Variants in DUSP14 observed in about 807,000 individuals in gnomAD.
The protein encoded by DUSP14 is dual specificity phosphatase 14.
DUSP14 carries 5 observed loss-of-function variants against 13.2 expected under a neutral mutation model. That is an observed-to-expected ratio of 0.38 (90% confidence interval 0.20 to 0.80). The LOEUF (loss-of-function observed/expected upper bound fraction) is 0.80. Among genes scored for constraint, DUSP14 ranks in the 30% least tolerant of loss-of-function variants. DUSP14 has a pLI of 0.44. For missense variants in DUSP14, 185 were observed against 264.0 expected, an observed-to-expected ratio of 0.70 and a Z score of 2.07; for synonymous variants, 91 against 103.4, an observed-to-expected ratio of 0.88 and a Z score of 0.73.
At chr17:37,491,828 A>G (rs2054030515) in intron 1 of DUSP14, among the ~76,000 whole-genome samples, 1 of 152,248 alleles carries the variant, frequency 6.6e-6, no homozygotes, top group Non-Finnish European at 1.5e-5. Context: ...TTTTCCCAAA[A>G]TCACAAGAAA....
chr17:37,489,141 TAA>T (rs2054007812), upstream of DUSP14, among the ~76,000 whole-genome samples: 1 of 152,160 alleles, frequency 6.6e-6, no homozygotes, highest in African/African-American at 2.4e-5. Flanking sequence ...ACCTGAATTT[TAA>T]AAGACCCTCA....
intron 1 of DUSP14, among the ~76,000 whole-genome samples, chr17:37,501,672 C>T (rs998779223): frequency 6.6e-6 from 1 of 152,090 alleles, no homozygotes; most frequent in African/African-American, 2.4e-5. Flanking sequence ...CCCACCACCA[C>T]GCCTGGCTAA....
chr17:37,512,392 T>C lies in DUSP14; in HGVS notation c.120T>C (p.Ser40=), dbSNP rs1320463443. 1.9e-6 allele frequency: 3 copies of C among 1,614,168 alleles called. No individual in the cohort carries two copies. The highest frequency in any genetic ancestry group is 2.5e-6 in the Non-Finnish European group (3 of 1,180,030). Residue 40 remains serine, a synonymous_variant, in exon 3 of 3, where the codon AGT becomes AGC. Coordinates refer to ENST00000617516, the MANE Select transcript of DUSP14 (RefSeq NM_007026.4). The surrounding 1 kb of genome is among the most constrained non-coding windows in gnomAD (Gnocchi z 4.8). ...CCTCTCTATTCCTGGGCAGAGGCAG[T>C]GTGGCCTCCAATCGGCACCTCCTCC... ...ITSSLFLGRG[S]VASNRHLLQA...
chr17:37,501,688 G>C (rs769489879), intron 1 of DUSP14, among the ~76,000 whole-genome samples: 1 of 152,004 alleles, frequency 6.6e-6, no homozygotes, highest in Non-Finnish European at 1.5e-5. Context: ...GCTAATTTTC[G>C]TATTTTTTAG....
At chr17:37,495,745 C>T (rs531726940) in intron 1 of DUSP14, among the ~76,000 whole-genome samples, 29 of 152,078 alleles carry the variant, frequency 1.9e-4, no homozygotes, top group African/African-American at 6.3e-4. Flanking sequence ...CTGCAACCTC[C>T]GCTTCCCAGG....
In DUSP14 at chr17:37,509,133, ACACAC is replaced by A. The variant is rs2054159370; in HGVS notation, c.-180-1543_-180-1539del. 5.7e-5 allele frequency among the ~76,000 whole-genome samples: 2 copies of A among 35,314 alleles called. 1 individual carries two copies. The highest frequency in any genetic ancestry group is 9.8e-5 in the Non-Finnish European group (2 of 20,360). 23.2% of individuals were successfully genotyped at this position (35,314 alleles called of 152,430 possible). A position where few individuals can be genotyped will look rare whatever the true frequency, so the allele number is the denominator to read the frequency against. On this transcript the variant is annotated intron_variant, in intron 1 of 2. Coordinates refer to ENST00000617516, the MANE Select transcript of DUSP14 (RefSeq NM_007026.4). ...TATATATATATATATATATATACAC[ACACAC>A]ACACACACACACACACACACACACA...
intron 1 of DUSP14, among the ~76,000 whole-genome samples, chr17:37,507,098 A>T (rs113901250): frequency 0.029 from 4,420 of 152,176 alleles, 94 homozygotes; most frequent in Non-Finnish European, 0.043. Context: ...TCAAGTTGAA[A>T]TCTCTCACCC....
At chr17:37,509,272 TA>T (rs2054164895) in intron 1 of DUSP14, among the ~76,000 whole-genome samples, 6 of 29,014 alleles carry the variant, frequency 2.1e-4, no homozygotes, top group East Asian at 2.2e-3. Flanking sequence ...TATATATATA[TA>T]TATATATATA....
At position 37,509,126 on chromosome 17, in the gene DUSP14, T is replaced by TAC. The variant is rs1408643360; in HGVS notation, c.-180-1550_-180-1549insCA. On this transcript the variant is annotated intron_variant, in intron 1 of 2. Transcript: ENST00000617516. ...ACCCATATATATATATATATATATA[T>TAC]ATACACACACACACACACACACACA... Among the ~76,000 whole-genome samples the TAC allele has an allele frequency of 1.6e-3, 72 of 44,510 alleles. 1 individual carries two copies. Among genetic ancestry groups the TAC allele is most frequent in the Middle Eastern group, 0.011 (1 of 88 alleles). The allele number at this position is 44,510 out of a possible 152,430, so 29.2% of individuals were successfully genotyped here. A position where few individuals can be genotyped will look rare whatever the true frequency, so the allele number is the denominator to read the frequency against.
At chr17:37,489,705 C>A (rs1194942248), upstream of DUSP14, 1 of 151,638 alleles carries the variant, frequency 6.6e-6, no homozygotes, top group Admixed American at 6.6e-5. Flanking sequence ...TAGGGCGCGC[C>A]CGGACCACAC....
intron 1 of DUSP14, among the ~76,000 whole-genome samples, chr17:37,508,475 T>C (rs1474223431): frequency 6.6e-6 from 1 of 152,146 alleles, no homozygotes; most frequent in Non-Finnish European, 1.5e-5. Flanking sequence ...GGCTCATGCC[T>C]GTAATCCCAG....
At chr17:37,508,023 C>T (rs1301549861) in intron 1 of DUSP14, among the ~76,000 whole-genome samples, 10 of 152,236 alleles carry the variant, frequency 6.6e-5, no homozygotes, top group African/African-American at 1.2e-4. Flanking sequence ...TATGTGACTG[C>T]GTCCTTGTTC....
intron 1 of DUSP14, among the ~76,000 whole-genome samples, chr17:37,502,188 T>A (rs561908435): frequency 2.6e-5 from 4 of 152,036 alleles, no homozygotes; most frequent in East Asian, 1.9e-4. Context: ...TACAAGTCCC[T>A]GTTTTTTTTT....
At chr17:37,510,927 C>T (rs996163093) in intron 2 of DUSP14, among the ~76,000 whole-genome samples, 163 bp downstream of exon 2, 2 of 151,402 alleles carry the variant, frequency 1.3e-5, no homozygotes, top group East Asian at 3.9e-4. Context: ...GTGAGAGGAA[C>T]GGATGTATCT....
chr17:37,501,045 C>T (rs142101907), intron 1 of DUSP14, among the ~76,000 whole-genome samples: 41 of 152,176 alleles, frequency 2.7e-4, no homozygotes, highest in Admixed American at 5.9e-4. Context: ...CATGGAAGGA[C>T]GGTTCTGGTC....
intron 1 of DUSP14, among the ~76,000 whole-genome samples, chr17:37,498,960 A>G (rs1156389340): frequency 6.6e-6 from 1 of 152,160 alleles, no homozygotes; most frequent in Non-Finnish European, 1.5e-5. Flanking sequence ...GAATGCGTCT[A>G]CTATGCTGTG....
chr17:37,504,455 T>C (rs1199305267), intron 1 of DUSP14, among the ~76,000 whole-genome samples: 1 of 152,216 alleles, frequency 6.6e-6, no homozygotes, highest in African/African-American at 2.4e-5. Flanking sequence ...TATCCTATGA[T>C]ATCAGTTAAT....
chr17:37,495,922 T>C (rs2054062223), intron 1 of DUSP14, among the ~76,000 whole-genome samples: 1 of 152,072 alleles, frequency 6.6e-6, no homozygotes, highest in Non-Finnish European at 1.5e-5. Context: ...ACCCCCAAAG[T>C]GCTGGGATTA....
intron 1 of DUSP14, 27 bp downstream of exon 1, chr17:37,489,985 G>C (rs1289422339): frequency 6.9e-6 from 1 of 144,110 alleles, no homozygotes; most frequent in Non-Finnish European, 1.5e-5. Flanking sequence ...CCCGGGGGTG[G>C]GGGTTGTGGG....
Sources: gnomAD v4.1 joint callset for allele counts (sites outside exome capture counted in the v4.1 genomes callset) on GRCh38, gnomAD v4.1.1 for gene constraint, Gnocchi (gnomAD v3.1) non-coding constraint, MANE v1.5 for transcripts, NCBI Gene and HGNC (gene_info 2026-07-23, HGNC 2026-07-21) for gene names.